Variants in DIABLO observed in about 807,000 individuals in gnomAD.
DIABLO encodes the protein diablo IAP-binding mitochondrial protein.
Under a neutral mutation model 31.7 loss-of-function variants are expected in DIABLO, and 32 were observed. The observed-to-expected ratio is 1.01, with a 90% confidence interval of 0.76 to 1.35. The LOEUF (loss-of-function observed/expected upper bound fraction) is 1.35. Ranked by LOEUF, DIABLO falls within the 40% of genes most tolerant of loss-of-function variation. The pLI is 0.00. For missense variants in DIABLO, 316 were observed against 286.4 expected, an observed-to-expected ratio of 1.10 and a Z score of -0.75; for synonymous variants, 132 against 103.2, an observed-to-expected ratio of 1.28 and a Z score of -1.69.
At chr12:122,209,806 A>T in intron 5 of DIABLO, 1 of 703,622 alleles carries the variant, frequency 1.4e-6, no homozygotes, top group Non-Finnish European at 2.6e-6. Context: ...CAATGTTGAC[A>T]GGTAGTGGAG....
intron 2 of DIABLO, chr12:122,220,550 G>A (rs940738484): frequency 8.5e-5 from 13 of 152,222 alleles, no homozygotes; most frequent in African/African-American, 2.7e-4. Context: ...AGCTACTCGG[G>A]AGGCTGAGGC....
intron 5 of DIABLO, chr12:122,209,092 G>A (rs949874656): frequency 3.6e-6 from 1 of 276,354 alleles, no homozygotes; most frequent in South Asian, 3.5e-5. Flanking sequence ...GGGCGCAGTG[G>A]CTCACGCCTC....
At chr12:122,221,900 T>A (rs996142776) in intron 2 of DIABLO, 3 of 152,058 alleles carry the variant, frequency 2.0e-5, no homozygotes, top group Admixed American at 2.0e-4. Context: ...GGTATTCAAG[T>A]GAGGGGTTTT....
intron 4 of DIABLO, 48 bp downstream of exon 4, chr12:122,216,711 C>G: frequency 6.4e-7 from 1 of 1,569,318 alleles, no homozygotes; most frequent in South Asian, 1.1e-5. Flanking sequence ...TTAGATACCA[C>G]ATGAGGTAGG....
intron 5 of DIABLO, among the ~76,000 whole-genome samples, chr12:122,214,354 C>A (rs1004070889): frequency 1.5e-4 from 23 of 152,072 alleles, no homozygotes; most frequent in African/African-American, 5.6e-4. Flanking sequence ...CCCTTTGTAT[C>A]ATTTTTAAGA....
intron 1 of DIABLO, 167 bp downstream of exon 1, chr12:122,225,798 A>C: frequency 6.8e-7 from 1 of 1,465,968 alleles, no homozygotes; most frequent in African/African-American, 1.4e-5. Context: ...CAGGGGGCGG[A>C]GGCGGGGCTG....
chr12:122,226,126 C>A (rs752443707), upstream of DIABLO: 2 of 1,460,880 alleles, frequency 1.4e-6, no homozygotes, highest in East Asian at 2.5e-5. Flanking sequence ...CACGCCCCCA[C>A]CCAAGGAAGC....
At chr12:122,212,374 T>A (rs1472672222) in intron 5 of DIABLO, among the ~76,000 whole-genome samples, 1 of 152,208 alleles carries the variant, frequency 6.6e-6, no homozygotes, top group African/African-American at 2.4e-5. Context: ...TCATAGTTCT[T>A]CCAGAAAGTG....
At chr12:122,219,547 T>C (rs1310705573) in intron 2 of DIABLO, among the ~76,000 whole-genome samples, 1 of 151,962 alleles carries the variant, frequency 6.6e-6, no homozygotes, top group African/African-American at 2.4e-5. Context: ...ACAAGTTTGA[T>C]GAGGATTAAG....
chr12:122,209,264 G>A (rs967364092), intron 5 of DIABLO, among the ~76,000 whole-genome samples: 10 of 152,170 alleles, frequency 6.6e-5, no homozygotes, highest in African/African-American at 1.9e-4. Context: ...TTGGGAGGCT[G>A]AGGCAGGAGA....
At chr12:122,217,792 A>AT (rs1954247954) in intron 3 of DIABLO, 1 of 163,052 alleles carries the variant, frequency 6.1e-6, no homozygotes, top group Non-Finnish European at 1.3e-5. Flanking sequence ...AACTGCTGGG[A>AT]TTACAGATGT....
chr12:122,225,105 C>T (rs565844481), intron 1 of DIABLO: 86 of 326,494 alleles, frequency 2.6e-4, no homozygotes, highest in African/African-American at 1.7e-3. Context: ...CCCAGCTACT[C>T]GGGAGGCTGA....
At chr12:122,216,401 T>G (rs1031837096) in intron 5 of DIABLO, 87 bp downstream of exon 5, 1 of 1,179,200 alleles carries the variant, frequency 8.5e-7, no homozygotes, top group African/African-American at 1.5e-5. Context: ...TATAAAGCCC[T>G]CATTTTAGAA....
At chr12:122,215,462 G>A (rs1297348998) in intron 5 of DIABLO, among the ~76,000 whole-genome samples, 1 of 152,036 alleles carries the variant, frequency 6.6e-6, no homozygotes, top group Non-Finnish European at 1.5e-5. Context: ...AAACTAGCTG[G>A]GCGTGGTGGC....
intron 5 of DIABLO, among the ~76,000 whole-genome samples, chr12:122,213,009 C>T (rs745314503): frequency 2.3e-4 from 35 of 151,972 alleles, no homozygotes; most frequent in Non-Finnish European, 4.1e-4. Context: ...CAGCCTCGAC[C>T]TCCAGGGCCC....
rs779126390 is a variant in DIABLO at position 122,224,588 on chromosome 12, G to C, written c.107C>G (p.Ser36Ter). 6.2e-7 allele frequency: 1 copy of C among 1,613,942 alleles called. No individual in the cohort carries two copies. The highest frequency in any genetic ancestry group is 1.1e-5 in the South Asian group (1 of 91,084). The change falls in exon 2 of 6, where the codon TCA (serine) becomes TGA (stop). Residue 36 changes from serine (S) to a stop codon, truncating the protein, a stop_gained. Transcript: ENST00000464942. LOFTEE classifies it high-confidence loss of function. ...VVANFKKRCF[S>*]ELIRPWHKTV... ...TTTGTGCCATGGTCTTATCAATTCT[G>C]AGAAACACCGCTTCTTAAAGTTAGC...
At chr12:122,213,768 A>G (rs1409875424) in intron 5 of DIABLO, among the ~76,000 whole-genome samples, 2 of 151,056 alleles carry the variant, frequency 1.3e-5, no homozygotes, top group African/African-American at 4.9e-5. Flanking sequence ...ATCCCTCAGG[A>G]TCACTACTTT....
Position 122,224,830 on chromosome 12 carries a change from T to G in DIABLO, c.51-186A>C, listed in dbSNP as rs1954415539. ...TTAAAATGTTGCCTCAGGCAGGGTG[T>G]TGGTGGCTCACGCCTGTAATCCTAG... is the stretch of plus-strand genomic sequence containing the variant. On this transcript the variant is annotated intron_variant, in intron 1 of 5. Coordinates refer to ENST00000464942, the MANE Select transcript of DIABLO (RefSeq NM_001371333.1). 3.3e-6 allele frequency: 5 copies of G among 1,514,318 alleles called. No homozygotes were observed. In the South Asian group the frequency reaches 6.0e-5, roughly 18 times the overall value. 93.8% of individuals were successfully genotyped at this position (1,514,318 alleles called of 1,614,324 possible). A position where few individuals can be genotyped will look rare whatever the true frequency, so the allele number is the denominator to read the frequency against.
upstream of DIABLO, chr12:122,226,274 G>A: frequency 2.9e-6 from 2 of 690,082 alleles, no homozygotes; most frequent in Admixed American, 2.1e-5. Context: ...AGGTGGGTCC[G>A]GCGCGGAGCT....
Sources: gnomAD v4.1 joint callset for allele counts (sites outside exome capture counted in the v4.1 genomes callset) on GRCh38, gnomAD v4.1.1 for gene constraint, MANE v1.5 for transcripts, NCBI Gene and HGNC (gene_info 2026-07-23, HGNC 2026-07-21) for gene names.